The following FLYWCH1 variants were observed in gnomAD, a reference collection of about 807,000 sequenced individuals.
FLYWCH1 encodes FLYWCH-type zinc finger 1, also known as FLYWCH-type zinc finger-containing protein 1.
FLYWCH1 carries 75 observed loss-of-function variants against 66.4 expected under a neutral mutation model. The observed-to-expected ratio is 1.13, with a 90% CI of 0.94 to 1.37. The LOEUF (loss-of-function observed/expected upper bound fraction) is 1.37, where lower values mean the gene tolerates loss of function less well. FLYWCH1 is among the 40% of genes most tolerant of loss of function. FLYWCH1 has a pLI of 0.00. For missense variants in FLYWCH1, 1,334 were observed against 1,001.8 expected, an observed-to-expected ratio of 1.33 and a Z score of -4.48; for synonymous variants, 595 against 429.9, an observed-to-expected ratio of 1.38 and a Z score of -4.75.
At chr16:2,948,107 A>G (rs1333608202) in intron 9 of FLYWCH1, among the ~76,000 whole-genome samples, 1 of 152,170 alleles carries the variant, frequency 6.6e-6, no homozygotes, top group East Asian at 1.9e-4. Context: ...CTTGGGTGTG[A>G]TGGCCTGTGG....
At chr16:2,914,446 C>T (rs1205874637) in intron 2 of FLYWCH1, among the ~76,000 whole-genome samples, 157 bp downstream of exon 2, 3 of 152,254 alleles carry the variant, frequency 2.0e-5, no homozygotes, top group East Asian at 1.9e-4. Flanking sequence ...AGCAGGACCG[C>T]AGCGTCCCAG....
chr16:2,927,278 A>G (rs1299892699), intron 2 of FLYWCH1, among the ~76,000 whole-genome samples: 1 of 152,220 alleles, frequency 6.6e-6, no homozygotes, highest in African/African-American at 2.4e-5. Context: ...ATGAAGCTAG[A>G]AAACAGGGAG....
rs1244055743 is a variant in FLYWCH1, at chr16:2,949,535, TCA to T, written c.*811_*812del. On this transcript the variant is annotated 3_prime_UTR_variant, in exon 10 of 10. Coordinates refer to ENST00000253928, the MANE Select transcript of FLYWCH1 (RefSeq NM_001308068.2). ...GCGTGTCCCCTTCTGTCAGACAGCT[TCA>T]CAGAGTGTGGCTTCACCAGTCAGAG... The T allele has an allele frequency of 6.6e-6, 1 of 152,164 alleles. No homozygotes were observed. The highest frequency in any genetic ancestry group is 1.5e-5 in the Non-Finnish European group (1 of 68,070). The allele number at this position is 152,164 out of a possible 1,614,324, so 9.4% of individuals were successfully genotyped here.
At chr16:2,934,289 G>A (rs2070904159) in intron 6 of FLYWCH1, among the ~76,000 whole-genome samples, 2 of 152,146 alleles carry the variant, frequency 1.3e-5, no homozygotes, top group Admixed American at 6.5e-5. Flanking sequence ...GTAATAGAGG[G>A]TGTTGACTGC....
chr16:2,933,193 C>T lies in FLYWCH1; in HGVS notation c.860C>T (p.Ser287Leu), dbSNP rs764766505. The T allele has an allele frequency of 1.5e-5, 25 of 1,613,664 alleles. No homozygotes were observed. The highest frequency in any genetic ancestry group is 3.3e-5 in the Admixed American group (2 of 59,984). Residue 287 changes from serine (S) to leucine (L), a missense_variant, in exon 5 of 10, where the codon TCG becomes TTG. Transcript: ENST00000253928. ...GGGGGCAGCTTCCTGGTACACGAGT[C>T]GTTCCTCTACAAGCGGGAGAAGGCT... ...CYGGSFLVHESFLYKREKAVG... is the reference protein window; with the variant it reads ...CYGGSFLVHELFLYKREKAVG...
chr16:2,939,750 G>A (rs1232681206), intron 8 of FLYWCH1: 1 of 359,726 alleles, frequency 2.8e-6, no homozygotes, highest in Non-Finnish European at 5.1e-6. Flanking sequence ...CCACTATCGA[G>A]CTTACAGAGA....
intron 2 of FLYWCH1, among the ~76,000 whole-genome samples, chr16:2,921,538 T>G (rs1261095425): frequency 6.6e-6 from 1 of 151,760 alleles, no homozygotes; most frequent in African/African-American, 2.4e-5. Flanking sequence ...ATTACCAAAA[T>G]ATTTTTTTTT....
intron 6 of FLYWCH1, chr16:2,935,610 G>A (rs1187708540): frequency 6.6e-6 from 1 of 152,144 alleles, no homozygotes; most frequent in African/African-American, 2.4e-5. Flanking sequence ...TGTCTGAAAT[G>A]TCTGTCGCTT....
intron 8 of FLYWCH1, among the ~76,000 whole-genome samples, chr16:2,938,673 C>T (rs1157998592): frequency 5.8e-5 from 8 of 137,560 alleles, no homozygotes; most frequent in African/African-American, 1.1e-4. Context: ...AGTGCACTGG[C>T]GCGATCTCGG....
At chr16:2,939,846 T>G (rs2071186834) in intron 8 of FLYWCH1, 186 bp from the exon 9 acceptor site, 2 of 573,156 alleles carry the variant, frequency 3.5e-6, no homozygotes, top group Admixed American at 7.0e-5. Context: ...GGTCAACTCT[T>G]AGGAGCTCAA....
intron 9 of FLYWCH1, among the ~76,000 whole-genome samples, chr16:2,941,993 C>A (rs1384256678): frequency 2.0e-5 from 1 of 49,178 alleles, no homozygotes; most frequent in Non-Finnish European, 3.3e-5. Context: ...CAAGACTCAT[C>A]TCAAAAAAAA....
At chr16:2,945,562 T>C (rs1596405066) in intron 9 of FLYWCH1, among the ~76,000 whole-genome samples, 1 of 146,944 alleles carries the variant, frequency 6.8e-6, no homozygotes, top group African/African-American at 2.5e-5. Context: ...AAGCTGAGGC[T>C]GCAGTGCACT....
At chr16:2,921,120 C>T (rs1235699482) in intron 2 of FLYWCH1, among the ~76,000 whole-genome samples, 12 of 152,162 alleles carry the variant, frequency 7.9e-5, no homozygotes, top group African/African-American at 2.7e-4. Context: ...GGATTACAGG[C>T]GTGAGCCACC....
chr16:2,929,750 C>T lies in FLYWCH1; in HGVS notation c.65C>T (p.Pro22Leu). Residue 22 changes from proline (P) to leucine (L), a missense_variant, in exon 3 of 10, where the codon CCC (proline) becomes CTC (leucine). Transcript: ENST00000253928. ...GTGAAGGCCGGCCAGGAGCCATCCCCCAAGCCAGGCACGGACGTCATCCCG... is the reference window on the plus strand; with the variant it reads ...GTGAAGGCCGGCCAGGAGCCATCCCTCAAGCCAGGCACGGACGTCATCCCG... ...ESVKAGQEPS[P>L]KPGTDVIPAA... is the part of the protein sequence containing the mutation. 6.2e-7 allele frequency: 1 copy of T among 1,613,844 alleles called. No individual in the cohort carries two copies. The highest frequency in any genetic ancestry group is 1.7e-5 in the Admixed American group (1 of 60,022).
chr16:2,943,220 G>C (rs1380145891), intron 9 of FLYWCH1: 1 of 152,148 alleles, frequency 6.6e-6, no homozygotes, highest in Non-Finnish European at 1.5e-5. Flanking sequence ...GGCTCAGGCA[G>C]GCTTCCCTGG....
intron 4 of FLYWCH1, among the ~76,000 whole-genome samples, chr16:2,931,629 A>G (rs1416021122): frequency 1.3e-5 from 2 of 152,044 alleles, no homozygotes; most frequent in East Asian, 3.9e-4. Flanking sequence ...AAAAAAAATC[A>G]GAATTTTATC....
In FLYWCH1 at chr16:2,943,798, G is replaced by A. The variant is rs1159281808; in HGVS notation, c.2111+3706G>A. 1.1e-4 allele frequency among the ~76,000 whole-genome samples: 16 copies of A among 151,938 alleles called. 1 individual carries two copies. Among genetic ancestry groups the A allele is most frequent in the South Asian group, 2.1e-4 (1 of 4,812 alleles). ...TCAAAATACAAAAAATTAGCCAGGC[G>A]TGGTGGCGAGCACCCGTAATCCCAG... On this transcript the variant is annotated intron_variant, in intron 9 of 9. Transcript: ENST00000253928.
chr16:2,931,569 T>G (rs1458559774), intron 4 of FLYWCH1, among the ~76,000 whole-genome samples: 5 of 151,788 alleles, frequency 3.3e-5, no homozygotes, highest in Admixed American at 6.6e-5. Context: ...TGAGCCGGGA[T>G]CACGCCACTG....
chr16:2,933,554 C>A lies in FLYWCH1; in HGVS notation c.1221C>A (p.Asp407Glu). 1 of 1,604,072 alleles carries A rather than the reference C, an allele frequency of 6.2e-7. No homozygotes were observed. The highest frequency in any genetic ancestry group is 8.5e-7 in the Non-Finnish European group (1 of 1,175,014). Reference sequence around the variant, plus strand: ...TGCCAACCCAGCCCGAGGCCCCAGACGAGCACCAGGACATGGACGCAGACC... The same window carrying A: ...TGCCAACCCAGCCCGAGGCCCCAGAAGAGCACCAGGACATGGACGCAGACC... ...QELPTQPEAP[D>E]EHQDMDADPG... Residue 407 changes from aspartate (D) to glutamate (E), a missense_variant, in exon 5 of 10, where the codon GAC becomes GAA. Transcript: ENST00000253928.
Sources: gnomAD v4.1 joint callset for allele counts (sites outside exome capture counted in the v4.1 genomes callset) on GRCh38, gnomAD v4.1.1 for gene constraint, MANE v1.5 for transcripts, NCBI Gene and HGNC (gene_info 2026-07-23, HGNC 2026-07-21) for gene names.